DNM3: variants seen among roughly 807,000 people sequenced by gnomAD.
DNM3 encodes the protein dynamin 3.
In DNM3, 47 loss-of-function variants were observed where a neutral mutation model predicts 101.6. The observed-to-expected ratio is 0.46, with a 90% confidence interval of 0.37 to 0.59. The LOEUF (loss-of-function observed/expected upper bound fraction) is 0.59. Among genes scored for constraint, DNM3 ranks in the 20% least tolerant of loss-of-function variants. DNM3 has a pLI of 0.00. For synonymous variants in DNM3, 385 were observed against 387.9 expected (o/e 0.99, Z 0.09); for missense variants, 849 against 1,085.7 (o/e 0.78, Z 3.06).
chr1:172,277,006 ACTGT>A (rs1191316412), intron 15 of DNM3, among the ~76,000 whole-genome samples: 2 of 151,996 alleles, frequency 1.3e-5, no homozygotes, highest in African/African-American at 4.8e-5. Flanking sequence ...TGGCTAGAAA[ACTGT>A]CTCTGAGAAA....
chr1:172,403,599 C>A lies in DNM3; in HGVS notation c.2523-4173C>A, dbSNP rs557197917. Among the ~76,000 whole-genome samples the A allele has an allele frequency of 2.6e-5, 4 of 152,270 alleles. No homozygotes were observed. The East Asian group carries it at 5.8e-4, about 22-fold the overall frequency. On this transcript the variant is annotated intron_variant, in intron 20 of 20. Coordinates refer to ENST00000627582, the MANE Select transcript of DNM3 (RefSeq NM_015569.5). Reference sequence around the variant, plus strand: ...CCTGCATGAGCATTTGACTTTCTTACAAAATTTGTCATTGTCCACAATACT... The same window carrying A: ...CCTGCATGAGCATTTGACTTTCTTAAAAAATTTGTCATTGTCCACAATACT...
chr1:172,089,158 C>T (rs895178121), intron 12 of DNM3, among the ~76,000 whole-genome samples: 14 of 151,478 alleles, frequency 9.2e-5, no homozygotes, highest in African/African-American at 2.7e-4. Flanking sequence ...CTTTCTATTA[C>T]ATCCTCACAT....
At chr1:172,404,051 C>G (rs2070705657) in intron 20 of DNM3, among the ~76,000 whole-genome samples, 1 of 152,046 alleles carries the variant, frequency 6.6e-6, no homozygotes, top group South Asian at 2.1e-4. Flanking sequence ...GTTGTATATA[C>G]AGATTTTTGT....
chr1:171,945,658 TG>T (rs2042127635), intron 2 of DNM3, among the ~76,000 whole-genome samples: 1 of 152,176 alleles, frequency 6.6e-6, no homozygotes, highest in Non-Finnish European at 1.5e-5. Context: ...TCCTTTTTTT[TG>T]GTTTGAAAAT....
At chr1:172,362,491 T>TC (rs60018539) in intron 17 of DNM3, among the ~76,000 whole-genome samples, 109,323 of 151,778 alleles carry the variant, frequency 0.72, 42,538 homozygotes, top group East Asian at 0.89. Flanking sequence ...GAAAGGTGAA[T>TC]TTTTCGAGTA....
intron 14 of DNM3, among the ~76,000 whole-genome samples, chr1:172,224,937 A>G (rs754068079): frequency 1.2e-4 from 19 of 152,024 alleles, no homozygotes; most frequent in Admixed American, 6.6e-4. Flanking sequence ...AAGGCTGGTG[A>G]TCTCAGTTTG....
intron 1 of DNM3, among the ~76,000 whole-genome samples, chr1:171,911,429 C>T (rs181579811): frequency 1.1e-4 from 17 of 152,078 alleles, no homozygotes; most frequent in East Asian, 7.8e-4. Flanking sequence ...ATTACAAGTG[C>T]GTGACACCAC....
chr1:172,225,171 G>C (rs2061062807), intron 14 of DNM3, among the ~76,000 whole-genome samples: 1 of 87,032 alleles, frequency 1.1e-5, no homozygotes, highest in Admixed American at 1.8e-4. Flanking sequence ...AGATAGTCTT[G>C]CTGTGTCGCC....
At chr1:172,348,611 C>G (rs2067055336) in intron 17 of DNM3, among the ~76,000 whole-genome samples, 1 of 151,684 alleles carries the variant, frequency 6.6e-6, no homozygotes, top group Non-Finnish European at 1.5e-5. Flanking sequence ...AAATGTAAAC[C>G]AAAAAAGTAA....
rs536361367 is a variant in DNM3 at position 171,981,541 on chromosome 1, C to T, written c.236-6115C>T. ...GGCATAAATGCATCTCATCCTTCCCCCAAACAGTTTGTCAGTTGTTTAACC... is the reference window on the plus strand; with the variant it reads ...GGCATAAATGCATCTCATCCTTCCCTCAAACAGTTTGTCAGTTGTTTAACC... On this transcript the variant is annotated intron_variant, in intron 2 of 20. Transcript: ENST00000627582. Among the ~76,000 whole-genome samples, 6 of 152,306 alleles carry T rather than the reference C, an allele frequency of 3.9e-5. No individual in the cohort carries two copies. In the South Asian group the frequency reaches 1.2e-3, roughly 32 times the overall value.
intron 14 of DNM3, among the ~76,000 whole-genome samples, chr1:172,245,951 A>G (rs2061936302): frequency 6.6e-6 from 1 of 152,226 alleles, no homozygotes. Flanking sequence ...CAGGCTGAAC[A>G]GGAAGCATGA....
rs1198570152 is a variant in DNM3 at position 172,304,831 on chromosome 1, C to A, written c.1770-3897C>A. 1.3e-5 allele frequency among the ~76,000 whole-genome samples: 2 copies of A among 152,060 alleles called. 1 individual carries two copies. The highest frequency in any genetic ancestry group is 3.8e-4 in the East Asian group (2 of 5,196). ...CAGAAATAAAGACGTTCTTTGAAAC[C>A]AATGAGAACAAAGACACAACATACC... On this transcript the variant is annotated intron_variant, in intron 15 of 20. Transcript: ENST00000627582.
In DNM3 at chr1:171,932,161, A is replaced by T. The variant is rs907723212; in HGVS notation, c.235+10340A>T. Among the ~76,000 whole-genome samples the T allele has an allele frequency of 2.1e-5, 3 of 145,182 alleles. No individual in the cohort carries two copies. The East Asian group carries it at 6.1e-4, about 29-fold the overall frequency. ...TTCTTTCCTTCTTTCCTCATTTTTG[A>T]GATAGGGTCTCACTCTGTTACCCAG... is the stretch of plus-strand genomic sequence containing the variant. On this transcript the variant is annotated intron_variant, in intron 2 of 20. Coordinates refer to ENST00000627582, the MANE Select transcript of DNM3 (RefSeq NM_015569.5).
chr1:171,843,058 C>A (rs2031518589), intron 1 of DNM3, among the ~76,000 whole-genome samples: 2 of 151,980 alleles, frequency 1.3e-5, no homozygotes, highest in Admixed American at 1.3e-4. Context: ...TTTGTTAGTG[C>A]TTGGTGATGT....
chr1:172,260,428 T>C (rs996098825), intron 15 of DNM3, among the ~76,000 whole-genome samples: 1 of 152,118 alleles, frequency 6.6e-6, no homozygotes, highest in African/African-American at 2.4e-5. Context: ...TCTTTCATTT[T>C]TTTTCGTTGT....
At chr1:172,159,148 C>G (rs1310831178) in intron 14 of DNM3, among the ~76,000 whole-genome samples, 2 of 151,962 alleles carry the variant, frequency 1.3e-5, no homozygotes, top group Non-Finnish European at 2.9e-5. Flanking sequence ...TTATTAATTA[C>G]TGCCTCTTTT....
chr1:172,172,763 A>G (rs547431990), intron 14 of DNM3, among the ~76,000 whole-genome samples: 2 of 151,916 alleles, frequency 1.3e-5, no homozygotes, highest in East Asian at 3.9e-4. Flanking sequence ...AAACTGCGGA[A>G]TTTAGTGAGT....
chr1:172,350,159 G>A (rs10489285), intron 17 of DNM3, among the ~76,000 whole-genome samples: 4 of 151,984 alleles, frequency 2.6e-5, no homozygotes, highest in Non-Finnish European at 5.9e-5. Flanking sequence ...AACTAATCAC[G>A]TTATCATTTT....
At chr1:172,266,500 A>G (rs771891448) in intron 15 of DNM3, among the ~76,000 whole-genome samples, 60 of 152,208 alleles carry the variant, frequency 3.9e-4, no homozygotes, top group Admixed American at 1.1e-3. Context: ...TTGTTTATGC[A>G]ACATAAACAA....
Sources: allele counts gnomAD v4.1 joint callset (sites outside exome capture counted in the v4.1 genomes callset), GRCh38; gene constraint gnomAD v4.1.1; transcripts MANE v1.5; gene names NCBI Gene and HGNC (gene_info 2026-07-23, HGNC 2026-07-21).